AP1G2: variants seen among roughly 807,000 people sequenced by gnomAD.
The protein encoded by AP1G2 is adaptor related protein complex 1 subunit gamma 2, also known as AP-1 complex subunit gamma-like 2.
A neutral mutation model predicts 95.8 loss-of-function variants in AP1G2; 85 were observed. That is an observed-to-expected ratio of 0.89 (90% CI 0.74 to 1.06). The LOEUF (loss-of-function observed/expected upper bound fraction) is 1.06, where lower values mean the gene tolerates loss of function less well. AP1G2 is among the 50% of genes least tolerant of loss of function. The pLI, the probability that AP1G2 is intolerant of heterozygous loss-of-function variation, is 0.00. For synonymous variants in AP1G2, 378 were observed against 400.0 expected (o/e 0.94, Z 0.66); for missense variants, 967 against 1,005.8 (o/e 0.96, Z 0.52).
rs758077118 is a variant in AP1G2 at position 23,566,594 on chromosome 14, A to G, written c.297T>C (p.Asp99=). The change falls in exon 3 of 22, where the codon GAT becomes GAC. Residue 99 remains aspartate (D), a synonymous_variant. Transcript: ENST00000397120. Reference sequence around the variant, plus strand: ...TGCTGTTGGTAATGAGCAGGTGGGCATCGTGCCTCTCATCCAATAGAAGCA... The same window carrying G: ...TGCTGTTGGTAATGAGCAGGTGGGCGTCGTGCCTCTCATCCAATAGAAGCA... ...GAMLLLDERH[D]AHLLITNSIK... is the part of the protein sequence containing the mutation. 1.9e-6 allele frequency: 3 copies of G among 1,614,100 alleles called. No individual in the cohort carries two copies. The highest frequency in any genetic ancestry group is 2.5e-6 in the Non-Finnish European group (3 of 1,180,046).
Position 23,563,403 on chromosome 14 carries a change from C to A in AP1G2, c.1387G>T (p.Ala463Ser). Reference protein sequence around the residue: ...HAYSVRRLYNALAEDISQQPL... With the variant: ...HAYSVRRLYNSLAEDISQQPL... ...ACCTGGGAAATGTCTTCTGCCAGGG[C>A]ATTGTAGAGGCGGCGCACAGAGTAG... The change falls in exon 14 of 22, where the codon GCC becomes TCC. Residue 463 changes from alanine (A) to serine (S), a missense_variant. Ala to Ser is a moderately conservative substitution (Grantham distance 99). Transcript: ENST00000397120. 6 of 1,603,668 alleles carry A rather than the reference C, an allele frequency of 3.7e-6. No homozygotes were observed. The highest frequency in any genetic ancestry group is 5.1e-6 in the Non-Finnish European group (6 of 1,175,676).
chr14:23,560,307 T>G lies in AP1G2; in HGVS notation c.2105A>C (p.Asn702Thr). The change falls in exon 20 of 22, where the codon AAC becomes ACC. Residue 702 changes from asparagine to threonine, a missense_variant. Transcript: ENST00000397120. Reference sequence around the variant, plus strand: ...ATGGGTGACATCACCCTCTGAGAAGTTGGTGGCAGTGATGGTGATTAACAG... The same window carrying G: ...ATGGGTGACATCACCCTCTGAGAAGGTGGTGGCAGTGATGGTGATTAACAG... ...ALLLITITAT[N>T]FSEGDVTHFI... The G allele has an allele frequency of 1.2e-6, 2 of 1,613,960 alleles. No homozygotes were observed. The highest frequency in any genetic ancestry group is 1.7e-4 in the Middle Eastern group (1 of 5,990).
At position 23,563,551 on chromosome 14, in the gene AP1G2, T is replaced by G. The variant is rs768282221; in HGVS notation, c.1287+33A>C. ...GTCAGTGTGGTGAATCTTGACCACT[T>G]CTGCCCAGCTCTCTGACTGGCCCCT... On this transcript the variant is annotated intron_variant, in intron 13 of 21. Coordinates refer to ENST00000397120, the MANE Select transcript of AP1G2 (RefSeq NM_003917.5). 7 of 1,614,236 alleles carry G rather than the reference T, an allele frequency of 4.3e-6. No individual in the cohort carries two copies. The South Asian group carries it at 5.5e-5, about 13-fold the overall frequency.
In AP1G2 at chr14:23,564,047, G is replaced by C; in HGVS notation, c.1090C>G (p.Arg364Gly). 1 of 1,613,982 alleles carries C rather than the reference G, an allele frequency of 6.2e-7. No individual in the cohort carries two copies. Among genetic ancestry groups the C allele is most frequent in the Non-Finnish European group, 8.5e-7 (1 of 1,180,026 alleles). Residue 364 changes from arginine (R) to glycine (G), a missense_variant and splice_region_variant, in exon 11 of 22, where the codon CGG (arginine) becomes GGG (glycine). By Grantham distance (125) the Arg-to-Gly change is moderately radical. Coordinates refer to ENST00000397120, the MANE Select transcript of AP1G2 (RefSeq NM_003917.5). ...CCTGTCCCCTCTATCACTGCTCACC[G>C]GCTGAGGGAGGCATCAGTTTCCCGT... ...CLRETDASLS[R>G]RALELSLALV...
Position 23,564,131 on chromosome 14 carries a change from G to C in AP1G2, c.1006C>G (p.Leu336Val). 1.2e-6 allele frequency: 2 copies of C among 1,614,180 alleles called. No homozygotes were observed. Among genetic ancestry groups the C allele is most frequent in the South Asian group, 2.2e-5 (2 of 91,078 alleles). ...RYVALTSLLR[L>V]VQSDHSAVQR... The stretch of plus-strand genomic sequence containing the variant: ...ACAGCACTGTGATCAGACTGCACCA[G>C]TCGAAGCAGTGATGTCAGGGCTACA... Residue 336 changes from leucine (L) to valine (V), a missense_variant, in exon 11 of 22, where the codon CTG becomes GTG. Leu to Val is a conservative substitution (Grantham distance 32). Transcript: ENST00000397120.
rs752007309 is a variant in AP1G2, at chr14:23,564,414, G to A, written c.922-26C>T. The A allele has an allele frequency of 3.1e-6, 5 of 1,614,090 alleles. No homozygotes were observed. In the Admixed American group the frequency reaches 8.3e-5, roughly 27 times the overall value. On this transcript the variant is annotated intron_variant, in intron 9 of 21. Coordinates refer to ENST00000397120, the MANE Select transcript of AP1G2 (RefSeq NM_003917.5). ...CTATGAGAGGCAGAAGTTGGGGTCA[G>A]TCGGAAAGGAGCAACCTGCTCAGCC...
At position 23,559,768 on chromosome 14, in the gene AP1G2, G is replaced by C. The variant is rs1883135013; in HGVS notation, c.2339C>G (p.Pro780Arg). 3 of 1,614,142 alleles carry C rather than the reference G, an allele frequency of 1.9e-6. No individual in the cohort carries two copies. The highest frequency in any genetic ancestry group is 2.5e-6 in the Non-Finnish European group (3 of 1,180,016). ...AGACAGTTACTGCCACGATTCCACAGGCAAGTTGTTCACCTCAAAGATCTC... is the reference window on the plus strand; with the variant it reads ...AGACAGTTACTGCCACGATTCCACACGCAAGTTGTTCACCTCAAAGATCTC... ...VQEIFEVNNL[P>R]VESWQ Residue 780 changes from proline (P) to arginine (R), a missense_variant, in exon 22 of 22, where the codon CCT becomes CGT. Coordinates refer to ENST00000397120, the MANE Select transcript of AP1G2 (RefSeq NM_003917.5).
chr14:23,565,843 G>A lies in AP1G2; in HGVS notation c.618C>T (p.Ser206=). The change falls in exon 6 of 22, where the codon AGC becomes AGT. Residue 206 remains serine (S), a synonymous_variant. Transcript: ENST00000397120. ...ITLITELCER[S]PAALRHFRKV... ...TTCGGAAGTGCCTGAGGGCTGCAGG[G>A]CTTCGTTCGCAGAGCTCCGTGATCA... 1 of 1,575,410 alleles carries A rather than the reference G, an allele frequency of 6.3e-7. No homozygotes were observed. Among genetic ancestry groups the A allele is most frequent in the Non-Finnish European group, 8.6e-7 (1 of 1,160,548 alleles).
chr14:23,567,028 A>T lies in AP1G2; in HGVS notation c.204+83T>A. 1 of 1,411,508 alleles carries T rather than the reference A, an allele frequency of 7.1e-7. No individual in the cohort carries two copies. The highest frequency in any genetic ancestry group is 9.6e-7 in the Non-Finnish European group (1 of 1,043,136). 87.4% of individuals were successfully genotyped at this position (1,411,508 alleles called of 1,614,324 possible). A position where few individuals can be genotyped will look rare whatever the true frequency, so the allele number is the denominator to read the frequency against. Reference sequence around the variant, plus strand: ...CTGAAATTGTAGAATTTAAAAAACCAGGGCATAAACAGGTGAGAGAGTCTG... The same window carrying T: ...CTGAAATTGTAGAATTTAAAAAACCTGGGCATAAACAGGTGAGAGAGTCTG... On this transcript the variant is annotated intron_variant, in intron 2 of 21. Transcript: ENST00000397120. This position sits in a 1 kb window ranked among gnomAD's most constrained non-coding sequence, Gnocchi z 5.3.
At chr14:23,561,718 G>A in intron 17 of AP1G2, 83 bp from the exon 18 acceptor site, 1 of 1,562,974 alleles carries the variant, frequency 6.4e-7, no homozygotes, top group Non-Finnish European at 8.6e-7. Context: ...CTAGGAATAT[G>A]GAGCCCTGGG....
At chr14:23,559,909 C>T in intron 21 of AP1G2, 29 bp downstream of exon 21, 2 of 1,611,096 alleles carry the variant, frequency 1.2e-6, no homozygotes. Flanking sequence ...ATCCCTGGGT[C>T]TTGTCTTGGG....
chr14:23,565,871 G>T lies in AP1G2; in HGVS notation c.590C>A (p.Thr197Lys). 1.3e-6 allele frequency: 2 copies of T among 1,583,496 alleles called. No individual in the cohort carries two copies. Among genetic ancestry groups the T allele is most frequent in the Non-Finnish European group, 1.7e-6 (2 of 1,166,352 alleles). The change falls in exon 6 of 22, where the codon ACG (threonine) becomes AAG (lysine). Residue 197 changes from threonine (T) to lysine (K), a missense_variant. Physicochemically the swap from Thr to Lys is moderately conservative, Grantham distance 78. Coordinates refer to ENST00000397120, the MANE Select transcript of AP1G2 (RefSeq NM_003917.5). Reference sequence around the variant, plus strand: ...TCGTTCGCAGAGCTCCGTGATCAGCGTGATGGTGCCCAGCAGGATGCCTGG... The same window carrying T: ...TCGTTCGCAGAGCTCCGTGATCAGCTTGATGGTGCCCAGCAGGATGCCTGG... ...RHHGILLGTI[T>K]LITELCERSP...
chr14:23,561,151 C>T, intron 19 of AP1G2, 145 bp downstream of exon 19: 1 of 1,397,792 alleles, frequency 7.2e-7, no homozygotes, highest in Non-Finnish European at 9.3e-7. Flanking sequence ...TGATTGACTT[C>T]ATTCTTTTAC....
rs552593909 is a variant in AP1G2 at position 23,567,213 on chromosome 14, G to T, written c.102C>A (p.His34Gln). The change falls in exon 2 of 22, where the codon CAC becomes CAA. Residue 34 changes from histidine (H) to glutamine (Q), a missense_variant. Physicochemically the swap from His to Gln is conservative, Grantham distance 24 (BLOSUM62 0). Transcript: ENST00000397120. This position sits in a 1 kb window ranked among gnomAD's most constrained non-coding sequence, Gnocchi z 5.3. The part of the protein sequence containing the change: ...EREVIQKECA[H>Q]IRASFRDGDP... ...CCCCGTCGCGGAAGGAGGCCCGGAT[G>T]TGGGCACACTCCTTTTGGATCACCT... 2 of 1,612,926 alleles carry T rather than the reference G, an allele frequency of 1.2e-6. No individual in the cohort carries two copies. The highest frequency in any genetic ancestry group is 1.3e-5 in the African/African-American group (1 of 75,000).
chr14:23,567,437 C>G lies in AP1G2; in HGVS notation c.-5-118G>C, dbSNP rs942903801. ...GGGTCCCACAGGTACCCTAAAATTG[C>G]GCCCGCATTTTACCTTTCCCGAAGT... is the stretch of plus-strand genomic sequence containing the variant. On this transcript the variant is annotated intron_variant, in intron 1 of 21. Transcript: ENST00000397120. This position sits in a 1 kb window ranked among gnomAD's most constrained non-coding sequence, Gnocchi z 5.3. 2.8e-6 allele frequency: 4 copies of G among 1,420,048 alleles called. No individual in the cohort carries two copies. In the African/African-American group the frequency reaches 6.0e-5, roughly 21 times the overall value. The allele number at this position is 1,420,048 out of a possible 1,614,324, so 88.0% of individuals were successfully genotyped here. A position where few individuals can be genotyped will look rare whatever the true frequency, so the allele number is the denominator to read the frequency against.
At chr14:23,565,056 G>T in intron 8 of AP1G2, 63 bp downstream of exon 8, 1 of 1,514,784 alleles carries the variant, frequency 6.6e-7, no homozygotes, top group Non-Finnish European at 9.2e-7. Context: ...GTCATGTGAG[G>T]GGCACCCAGG....
rs761098783 is a variant in AP1G2, at chr14:23,566,260, G to A, written c.471+18C>T. 1.9e-6 allele frequency: 3 copies of A among 1,613,170 alleles called. No homozygotes were observed. In the South Asian group the frequency reaches 3.3e-5, roughly 18 times the overall value. ...AGGCAGTGTGCAGGAGCACGTGCCAGGAGTCCCGCCATCTCACCTTCTTGC... is the reference window on the plus strand; with the variant it reads ...AGGCAGTGTGCAGGAGCACGTGCCAAGAGTCCCGCCATCTCACCTTCTTGC... On this transcript the variant is annotated intron_variant, in intron 4 of 21. Coordinates refer to ENST00000397120, the MANE Select transcript of AP1G2 (RefSeq NM_003917.5).
intron 8 of AP1G2, 72 bp from the exon 9 acceptor site, chr14:23,564,732 C>A: frequency 7.2e-7 from 1 of 1,386,832 alleles, no homozygotes; most frequent in Admixed American, 1.8e-5. Flanking sequence ...TACAGGGTCT[C>A]ACTCTGTCGC....
At position 23,559,817 on chromosome 14, in the gene AP1G2, C is replaced by T. The variant is rs1427295596; in HGVS notation, c.2290G>A (p.Asp764Asn). Residue 764 changes from aspartate to asparagine, a missense_variant, in exon 22 of 22, where the codon GAC (aspartate) becomes AAC (asparagine). Coordinates refer to ENST00000397120, the MANE Select transcript of AP1G2 (RefSeq NM_003917.5). ...TCCTGCACCGACTGGTGAAAGTGGT[C>T]GTAGGTGAGGCGCAGCTTTAGCCGC... is the stretch of plus-strand genomic sequence containing the variant. ...PLRLKLRLTY[D>N]HFHQSVQEIF... is the part of the protein sequence containing the mutation. 9.3e-6 allele frequency: 15 copies of T among 1,613,946 alleles called. No individual in the cohort carries two copies. The highest frequency in any genetic ancestry group is 2.7e-5 in the African/African-American group (2 of 74,888).
Sources: allele counts gnomAD v4.1 joint callset, GRCh38; gene constraint gnomAD v4.1.1; non-coding constraint Gnocchi (gnomAD v3.1); transcripts MANE v1.5; gene names NCBI Gene and HGNC (gene_info 2026-07-23, HGNC 2026-07-21).